Variants in PSMA1 observed in about 807,000 individuals in gnomAD.
PSMA1 encodes the protein proteasome subunit alpha type-1.
In PSMA1, 3 loss-of-function variants were observed where a neutral mutation model predicts 38.4. That is an observed-to-expected ratio of 0.08 (90% CI 0.04 to 0.20). The LOEUF (loss-of-function observed/expected upper bound fraction) is 0.20, where lower values mean the gene tolerates loss of function less well. PSMA1 is among the 10% of genes least tolerant of loss of function. PSMA1 has a pLI of 1.00. For synonymous variants in PSMA1, 101 were observed against 107.1 expected, an observed-to-expected ratio of 0.94 and a Z score of 0.35; for missense variants, 227 against 325.3, an observed-to-expected ratio of 0.70 and a Z score of 2.32.
Position 14,535,214 on chromosome 11 carries a change from T to G in PSMA1, c.22-16173A>C, listed in dbSNP as rs75531507. ...TTGGAATAGAGCAATCTGGAATTAA[T>G]AGACATAATTGGGAAGAATAACAAT... On this transcript the variant is annotated intron_variant, in intron 2 of 10. Transcript: ENST00000418988. Among the ~76,000 whole-genome samples, 612 of 151,702 alleles carry G rather than the reference T, an allele frequency of 4.0e-3. 5 individuals carry two copies. The highest frequency in any genetic ancestry group is 0.01 in the Middle Eastern group (3 of 292).
intron 1 of PSMA1, among the ~76,000 whole-genome samples, chr11:14,634,358 C>T (rs369907130): frequency 1.2e-4 from 19 of 152,154 alleles, no homozygotes; most frequent in African/African-American, 2.4e-4. Context: ...TACACATACA[C>T]GCAACACACA....
chr11:14,567,699 T>C (rs1349612207), intron 2 of PSMA1, among the ~76,000 whole-genome samples: 1 of 152,254 alleles, frequency 6.6e-6, no homozygotes, highest in Non-Finnish European at 1.5e-5. Context: ...AACAAAGCAA[T>C]GCCTTGCCTT....
intron 4 of PSMA1, among the ~76,000 whole-genome samples, chr11:14,516,178 C>A (rs1851424471): frequency 6.6e-6 from 1 of 150,378 alleles, no homozygotes. Context: ...CCACTGCACT[C>A]TAGCCTGGGC....
chr11:14,614,773 A>G (rs1209291032), intron 1 of PSMA1, among the ~76,000 whole-genome samples: 2 of 152,132 alleles, frequency 1.3e-5, no homozygotes, highest in East Asian at 3.8e-4. Flanking sequence ...CTTTAGTTCC[A>G]TTCACCTTTA....
intron 1 of PSMA1, among the ~76,000 whole-genome samples, chr11:14,611,773 GCTCT>G (rs1351535925): frequency 4.0e-5 from 6 of 151,444 alleles, no homozygotes; most frequent in Admixed American, 6.6e-5. Flanking sequence ...TCCCTTCCAT[GCTCT>G]CTCTCTCTTC....
chr11:14,552,795 A>T (rs1287251058), intron 2 of PSMA1, among the ~76,000 whole-genome samples: 2 of 151,386 alleles, frequency 1.3e-5, no homozygotes, highest in African/African-American at 2.4e-5. Flanking sequence ...CTAATTAATG[A>T]AGTTTTATTA....
intron 9 of PSMA1, among the ~76,000 whole-genome samples, chr11:14,506,973 G>A (rs1851253929): frequency 6.6e-6 from 1 of 152,142 alleles, no homozygotes; most frequent in Non-Finnish European, 1.5e-5. Flanking sequence ...AAGTTATCTT[G>A]GGTGTTCCAG....
chr11:14,631,075 G>C (rs943302558), intron 1 of PSMA1, among the ~76,000 whole-genome samples: 36 of 151,684 alleles, frequency 2.4e-4, no homozygotes, highest in African/African-American at 7.3e-4. Context: ...TATTAGTCTT[G>C]CTAGCGGTCT....
At chr11:14,520,395 G>C (rs756440119), upstream of PSMA1, 104 of 1,613,432 alleles carry the variant, frequency 6.4e-5, no homozygotes, top group Non-Finnish European at 8.6e-5. Context: ...AGAAGTCTGC[G>C]GGAGTTTGAC....
chr11:14,562,856 G>A (rs1852025853), intron 2 of PSMA1, among the ~76,000 whole-genome samples: 1 of 152,114 alleles, frequency 6.6e-6, no homozygotes, highest in Non-Finnish European at 1.5e-5. Flanking sequence ...ACAGGTGTGA[G>A]CCACCGGGCC....
intron 4 of PSMA1, among the ~76,000 whole-genome samples, chr11:14,516,755 G>A (rs941965202): frequency 1.1e-4 from 16 of 152,026 alleles, no homozygotes; most frequent in African/African-American, 3.6e-4. Context: ...GCGAAACCCC[G>A]TCTCTACTAA....
intron 1 of PSMA1, among the ~76,000 whole-genome samples, chr11:14,624,533 G>C (rs1488642840): frequency 1.3e-5 from 2 of 152,168 alleles, no homozygotes; most frequent in Non-Finnish European, 2.9e-5. Context: ...GCTCTGCAGG[G>C]CTGGAGGTCC....
intron 1 of PSMA1, among the ~76,000 whole-genome samples, chr11:14,643,037 G>T (rs1045140960): frequency 1.3e-4 from 19 of 151,934 alleles, no homozygotes; most frequent in African/African-American, 4.6e-4. Flanking sequence ...TATGACAAGG[G>T]TACAAAATGG....
At chr11:14,604,147 C>A (rs1423110223) in intron 2 of PSMA1, among the ~76,000 whole-genome samples, 1 of 152,216 alleles carries the variant, frequency 6.6e-6, no homozygotes, top group African/African-American at 2.4e-5. Context: ...GCAGCCTCCA[C>A]CTCCTGGGTT....
Position 14,513,618 on chromosome 11 carries a change from G to C in PSMA1, c.496C>G (p.Gln166Glu). ...CRAMSIGARS[Q>E]SARTYLERHM... Reference sequence around the variant, plus strand: ...CTCTCCAAGTAAGTACGAGCTGATTGGGAACGGGCTCCAATGGACATGGCT... The same window carrying C: ...CTCTCCAAGTAAGTACGAGCTGATTCGGAACGGGCTCCAATGGACATGGCT... The change falls in exon 7 of 10, where the codon CAA becomes GAA. Residue 166 changes from glutamine to glutamate, a missense_variant. Physicochemically the swap from Gln to Glu is conservative, Grantham distance 29. Transcript: ENST00000396394. The C allele has an allele frequency of 6.3e-7, 1 of 1,589,692 alleles. No homozygotes were observed. The highest frequency in any genetic ancestry group is 8.5e-7 in the Non-Finnish European group (1 of 1,172,450).
At chr11:14,582,171 T>C (rs1323359686) in intron 2 of PSMA1, among the ~76,000 whole-genome samples, 1 of 152,090 alleles carries the variant, frequency 6.6e-6, no homozygotes, top group East Asian at 1.9e-4. Flanking sequence ...TTAAAAAAAA[T>C]ACAAATTTAA....
At chr11:14,575,932 A>G (rs1246663533) in intron 2 of PSMA1, among the ~76,000 whole-genome samples, 10 of 152,200 alleles carry the variant, frequency 6.6e-5, no homozygotes, top group Non-Finnish European at 1.3e-4. Context: ...TTGTTTCCTG[A>G]CTTTTTAATG....
intron 2 of PSMA1, among the ~76,000 whole-genome samples, chr11:14,572,427 C>G (rs554147654): frequency 8.9e-4 from 136 of 152,180 alleles, no homozygotes; most frequent in African/African-American, 3.2e-3. Context: ...GAGTACATAA[C>G]GAAATGAAGG....
At chr11:14,559,487 T>A (rs1310058529) in intron 2 of PSMA1, among the ~76,000 whole-genome samples, 7 of 152,164 alleles carry the variant, frequency 4.6e-5, no homozygotes, top group Non-Finnish European at 8.8e-5. Context: ...TGACAGCTAG[T>A]GGGACTAGTG....
Sources: allele counts gnomAD v4.1 joint callset (sites outside exome capture counted in the v4.1 genomes callset), GRCh38; gene constraint gnomAD v4.1.1; transcripts MANE v1.5; gene names NCBI Gene and HGNC (gene_info 2026-07-23, HGNC 2026-07-21).